CLINT1: variants seen among roughly 807,000 people sequenced by gnomAD.
CLINT1 encodes the protein clathrin interactor 1.
A neutral mutation model predicts 70.4 loss-of-function variants in CLINT1; 15 were observed. The observed-to-expected ratio is 0.21, with a 90% CI of 0.14 to 0.33. The LOEUF (loss-of-function observed/expected upper bound fraction) is 0.33, where lower values mean the gene tolerates loss of function less well. CLINT1 is among the 10% of genes least tolerant of loss of function. CLINT1 has a pLI of 1.00. For synonymous variants in CLINT1, 227 were observed against 254.7 expected, an observed-to-expected ratio of 0.89 and a Z score of 1.04; for missense variants, 615 against 778.1, an observed-to-expected ratio of 0.79 and a Z score of 2.49.
At chr5:157,788,224 G>A (rs1036174162) in intron 11 of CLINT1, among the ~76,000 whole-genome samples, 4 of 152,052 alleles carry the variant, frequency 2.6e-5, no homozygotes, top group African/African-American at 7.2e-5. Flanking sequence ...GAGTAGACTG[G>A]GGAAAAACAG....
intron 1 of CLINT1, among the ~76,000 whole-genome samples, chr5:157,853,593 A>G (rs1248330592): frequency 6.6e-6 from 1 of 151,468 alleles, no homozygotes; most frequent in East Asian, 2.0e-4. Flanking sequence ...CCTGGCCAAC[A>G]TGACGAAATC....
rs1280070199 is a variant in CLINT1 at position 157,786,085 on chromosome 5, G to T, written c.*1561C>A. The T allele has an allele frequency of 2.0e-5, 3 of 152,242 alleles. No homozygotes were observed. The highest frequency in any genetic ancestry group is 6.5e-5 in the Admixed American group (1 of 15,298). 9.4% of individuals were successfully genotyped at this position (152,242 alleles called of 1,614,324 possible). A position where few individuals can be genotyped will look rare whatever the true frequency, so the allele number is the denominator to read the frequency against. ...TGCCTAATTAGAAATGTTGTAGATG[G>T]AACATTAGCAAGAATGGAGCAGGTC... On this transcript the variant is annotated 3_prime_UTR_variant, in exon 12 of 12. Transcript: ENST00000411809.
intron 3 of CLINT1, among the ~76,000 whole-genome samples, chr5:157,814,942 A>C (rs1762671592): frequency 6.6e-6 from 1 of 151,900 alleles, no homozygotes; most frequent in African/African-American, 2.4e-5. Context: ...CTGAAGCACA[A>C]GAATCACTCG....
chr5:157,835,279 A>G (rs1763379653), intron 1 of CLINT1, among the ~76,000 whole-genome samples: 3 of 152,244 alleles, frequency 2.0e-5, no homozygotes, highest in African/African-American at 7.2e-5. Context: ...CTGTTCAGAC[A>G]TCAGTTATAG....
intron 1 of CLINT1, among the ~76,000 whole-genome samples, chr5:157,831,146 T>G (rs1220918350): frequency 6.6e-6 from 1 of 151,964 alleles, no homozygotes. Flanking sequence ...AACCCTCATT[T>G]AATAACCTTA....
chr5:157,801,069 C>G (rs757747109), intron 8 of CLINT1, among the ~76,000 whole-genome samples: 1 of 152,196 alleles, frequency 6.6e-6, no homozygotes, highest in Non-Finnish European at 1.5e-5. Flanking sequence ...AAATCTTAAA[C>G]ATATAAAAAT....
chr5:157,790,702 T>C (rs1761875308), intron 10 of CLINT1: 3 of 447,584 alleles, frequency 6.7e-6, no homozygotes, highest in Admixed American at 2.5e-5. Flanking sequence ...TCTCAATAGT[T>C]TGAGTCAAAA....
At chr5:157,789,608 C>T (rs1581470508) in intron 10 of CLINT1, 95 bp from the exon 11 acceptor site, 9 of 1,533,804 alleles carry the variant, frequency 5.9e-6, no homozygotes, top group African/African-American at 2.7e-5. Flanking sequence ...AGCATCTGTT[C>T]TATAAAAATT....
chr5:157,837,129 A>C (rs1412693849), intron 1 of CLINT1, among the ~76,000 whole-genome samples: 2 of 152,198 alleles, frequency 1.3e-5, no homozygotes, highest in African/African-American at 4.8e-5. Flanking sequence ...AAGCATTAAG[A>C]ATATACTGGA....
intron 1 of CLINT1, among the ~76,000 whole-genome samples, chr5:157,852,435 G>A (rs1753606288): frequency 6.6e-6 from 1 of 152,156 alleles, no homozygotes; most frequent in South Asian, 2.1e-4. Context: ...TTTCATGGAT[G>A]AAGATATAGT....
intron 1 of CLINT1, among the ~76,000 whole-genome samples, chr5:157,852,587 G>A (rs1365332720): frequency 1.3e-5 from 2 of 152,168 alleles, no homozygotes; most frequent in African/African-American, 4.8e-5. Context: ...TTTACTGTAT[G>A]TCAAGTACTA....
chr5:157,827,295 T>C (rs927606995), intron 1 of CLINT1, among the ~76,000 whole-genome samples: 4 of 152,222 alleles, frequency 2.6e-5, no homozygotes, highest in East Asian at 1.9e-4. Flanking sequence ...AAGAGGATAA[T>C]TGAAAAGATA....
intron 4 of CLINT1, among the ~76,000 whole-genome samples, 157 bp from the exon 5 acceptor site, chr5:157,813,384 T>TTTCCTC (rs1762619153): frequency 6.6e-6 from 1 of 152,208 alleles, no homozygotes; most frequent in Admixed American, 6.5e-5. Context: ...AACTTTGTCA[T>TTTCCTC]TTCCTCTTCA....
intron 8 of CLINT1, among the ~76,000 whole-genome samples, chr5:157,797,775 T>A (rs1179719471): frequency 6.6e-6 from 1 of 152,176 alleles, no homozygotes. Context: ...TTCAAACTGG[T>A]AAGAAATTTT....
intron 1 of CLINT1, among the ~76,000 whole-genome samples, chr5:157,856,505 T>C (rs922839562): frequency 1.3e-5 from 2 of 152,234 alleles, no homozygotes; most frequent in African/African-American, 2.4e-5. Flanking sequence ...GCTTCTTCAT[T>C]TGCAAGTTCC....
intron 1 of CLINT1, among the ~76,000 whole-genome samples, chr5:157,856,469 T>C (rs1753763403): frequency 6.6e-6 from 1 of 152,238 alleles, no homozygotes; most frequent in Non-Finnish European, 1.5e-5. Context: ...GATCCATCTA[T>C]CTGAATAGCC....
intron 1 of CLINT1, among the ~76,000 whole-genome samples, chr5:157,851,315 A>T (rs1753565849): frequency 6.6e-6 from 1 of 152,186 alleles, no homozygotes; most frequent in Non-Finnish European, 1.5e-5. Context: ...GCAAAATTAT[A>T]AAAGATTATT....
At position 157,813,180 on chromosome 5, in the gene CLINT1, C is replaced by T; in HGVS notation, c.400G>A (p.Glu134Lys). The change falls in exon 5 of 12, where the codon GAA (glutamate) becomes AAA (lysine). Residue 134 changes from glutamate (E) to lysine (K), a missense_variant. Around this residue, in one of 2 missense-constraint regions of CLINT1, gnomAD observed 241 missense variants for 368.6 expected, o/e 0.65. Transcript: ENST00000411809. ...TCATCCTGGGCAAATTCAACCAATT[C>T]CTTCACCTTCTGTCGAATATTTATA... ...QGINIRQKVK[E>K]LVEFAQDDDR... 1.2e-6 allele frequency: 2 copies of T among 1,613,738 alleles called. No individual in the cohort carries two copies. Among genetic ancestry groups the T allele is most frequent in the Non-Finnish European group, 1.7e-6 (2 of 1,179,836 alleles).
At chr5:157,812,721 C>T (rs899135404) in intron 5 of CLINT1, among the ~76,000 whole-genome samples, 6 of 152,182 alleles carry the variant, frequency 3.9e-5, no homozygotes, top group Non-Finnish European at 8.8e-5. Flanking sequence ...TATTTTTATA[C>T]TCTAAACTCT....
Sources: gnomAD v4.1 joint callset for allele counts (sites outside exome capture counted in the v4.1 genomes callset) on GRCh38, gnomAD v4.1.1 for gene constraint, gnomAD v4.1.1 regional missense constraint, MANE v1.5 for transcripts, NCBI Gene and HGNC (gene_info 2026-07-23, HGNC 2026-07-21) for gene names.